The following PPP2R3A variants were observed in gnomAD, a reference collection of about 807,000 sequenced individuals.
The protein encoded by PPP2R3A is serine/threonine-protein phosphatase 2A regulatory subunit B'' subunit alpha.
Under a neutral mutation model 106.9 loss-of-function variants are expected in PPP2R3A, and 80 were observed. That is an observed-to-expected ratio of 0.75 (90% CI 0.62 to 0.90). The LOEUF is 0.90. Among genes scored for constraint, PPP2R3A ranks in the 40% least tolerant of loss-of-function variants. The probability of loss-of-function intolerance (pLI) is 0.00; values close to 1 mark genes in which losing one functional copy is unlikely to be tolerated. For missense variants in PPP2R3A, 1,386 were observed against 1,350.4 expected (o/e 1.03, Z -0.41); for synonymous variants, 483 against 468.3 (o/e 1.03, Z -0.41).
intron 1 of PPP2R3A, among the ~76,000 whole-genome samples, chr3:135,993,845 A>G (rs1338809717): frequency 6.6e-6 from 1 of 152,242 alleles, no homozygotes; most frequent in Non-Finnish European, 1.5e-5. Context: ...AGAGAAAAGT[A>G]CATATGTAAT....
chr3:136,041,822 T>C (rs1935298473), intron 4 of PPP2R3A, among the ~76,000 whole-genome samples: 1 of 152,206 alleles, frequency 6.6e-6, no homozygotes, highest in Admixed American at 6.5e-5. Context: ...TCTGACAAAT[T>C]TTCTTGAATT....
At chr3:136,046,682 G>A (rs1165611359) in intron 4 of PPP2R3A, among the ~76,000 whole-genome samples, 1 of 152,172 alleles carries the variant, frequency 6.6e-6, no homozygotes, top group Non-Finnish European at 1.5e-5. Flanking sequence ...CAAGAACTCT[G>A]ACAATTCTAA....
chr3:136,014,783 G>C (rs1559869674), intron 2 of PPP2R3A, among the ~76,000 whole-genome samples: 1 of 152,090 alleles, frequency 6.6e-6, no homozygotes. Context: ...GCGACAGTTT[G>C]ACTTCTTCTT....
intron 8 of PPP2R3A, among the ~76,000 whole-genome samples, chr3:136,086,160 T>C (rs966518331): frequency 2.0e-5 from 3 of 150,880 alleles, no homozygotes; most frequent in Non-Finnish European, 4.4e-5. Flanking sequence ...TTGTATATGA[T>C]GTCAGGTTTC....
At chr3:136,121,068 A>G (rs920842860) in intron 13 of PPP2R3A, among the ~76,000 whole-genome samples, 1 of 152,168 alleles carries the variant, frequency 6.6e-6, no homozygotes, top group Admixed American at 6.5e-5. Context: ...CAACCCAGCA[A>G]TCCCACTGCT....
chr3:136,099,917 T>TAA (rs553102059), intron 10 of PPP2R3A, among the ~76,000 whole-genome samples: 8 of 125,216 alleles, frequency 6.4e-5, no homozygotes, highest in Non-Finnish European at 3.4e-5. Flanking sequence ...TAACAGTTCT[T>TAA]AAAAAAAAAA....
chr3:135,982,251 G>A (rs958354716), intron 1 of PPP2R3A, among the ~76,000 whole-genome samples: 3 of 148,962 alleles, frequency 2.0e-5, no homozygotes, highest in Non-Finnish European at 4.4e-5. Context: ...AAAAAGTTCT[G>A]TTTCACAATA....
chr3:136,048,915 C>G (rs920138546), intron 4 of PPP2R3A, among the ~76,000 whole-genome samples: 2 of 152,050 alleles, frequency 1.3e-5, no homozygotes, highest in Non-Finnish European at 2.9e-5. Flanking sequence ...TAGCTTGAAC[C>G]ATTGGGTGCT....
chr3:136,061,880 T>A (rs9758578), intron 5 of PPP2R3A, among the ~76,000 whole-genome samples: 63,143 of 142,258 alleles, frequency 0.44, 15,146 homozygotes, highest in African/African-American at 0.67. Flanking sequence ...TGAGCCGAGA[T>A]CACGCCACTG....
intron 2 of PPP2R3A, chr3:136,023,104 C>T (rs765001615): frequency 1.4e-5 from 22 of 1,613,368 alleles, no homozygotes; most frequent in Non-Finnish European, 1.6e-5. Flanking sequence ...CGAAGGGACC[C>T]GGATTTAAGG....
At chr3:136,053,574 C>T (rs1290784691) in intron 5 of PPP2R3A, among the ~76,000 whole-genome samples, 2 of 152,180 alleles carry the variant, frequency 1.3e-5, no homozygotes, top group African/African-American at 4.8e-5. Flanking sequence ...TAGTTGACTC[C>T]TTTCCTGGTT....
intron 13 of PPP2R3A, among the ~76,000 whole-genome samples, chr3:136,128,918 A>G (rs1938292129): frequency 6.6e-6 from 1 of 152,218 alleles, no homozygotes; most frequent in African/African-American, 2.4e-5. Flanking sequence ...CTGAATGACT[A>G]CTGGGTACAT....
chr3:136,090,127 C>G (rs965651302), intron 9 of PPP2R3A, among the ~76,000 whole-genome samples: 2 of 152,068 alleles, frequency 1.3e-5, no homozygotes, highest in African/African-American at 4.8e-5. Context: ...GCTAAGACTT[C>G]CAGTACTATG....
At position 136,103,383 on chromosome 3, in the gene PPP2R3A, G is replaced by A. The variant is rs748530521; in HGVS notation, c.3222+7G>A. On this transcript the variant is annotated splice_region_variant and intron_variant, in intron 12 of 13. Transcript: ENST00000264977. ...TCCCTTTGCGGTCCAGAAGGTAACA[G>A]TATAATTTTAACTTTTATTTGAGGG... 3.8e-6 allele frequency: 6 copies of A among 1,559,196 alleles called. No individual in the cohort carries two copies. Among genetic ancestry groups the A allele is most frequent in the African/African-American group, 2.7e-5 (2 of 73,352 alleles).
At chr3:135,994,695 T>C (rs1372611269) in intron 1 of PPP2R3A, among the ~76,000 whole-genome samples, 1 of 152,158 alleles carries the variant, frequency 6.6e-6, no homozygotes, top group Non-Finnish European at 1.5e-5. Context: ...TCTTATTATT[T>C]GGAGGAGACT....
At chr3:136,008,100 A>G (rs1933909748) in intron 2 of PPP2R3A, among the ~76,000 whole-genome samples, 1 of 152,266 alleles carries the variant, frequency 6.6e-6, no homozygotes, top group Non-Finnish European at 1.5e-5. Context: ...CAGAATAATT[A>G]GGAAAATAAA....
At chr3:136,073,414 A>G (rs1354497931) in intron 6 of PPP2R3A, among the ~76,000 whole-genome samples, 1 of 152,262 alleles carries the variant, frequency 6.6e-6, no homozygotes, top group African/African-American at 2.4e-5. Flanking sequence ...ACAGTTAATT[A>G]TCTCTGCTGT....
chr3:136,062,448 G>A lies in PPP2R3A; in HGVS notation c.2470-8030G>A, dbSNP rs113430272. ...TTACATTTGAGAATAAGGGGGCTGG[G>A]CACAGTGGCTCACGCCTGTAATCCT... On this transcript the variant is annotated intron_variant, in intron 5 of 13. Coordinates refer to ENST00000264977, the MANE Select transcript of PPP2R3A (RefSeq NM_002718.5). Among the ~76,000 whole-genome samples the A allele has an allele frequency of 5.9e-5, 9 of 152,274 alleles. 1 individual carries two copies. The highest frequency in any genetic ancestry group is 1.9e-4 in the African/African-American group (8 of 41,546).
At chr3:136,108,218 C>T (rs1174561178) in intron 13 of PPP2R3A, among the ~76,000 whole-genome samples, 2 of 152,118 alleles carry the variant, frequency 1.3e-5, no homozygotes, top group East Asian at 3.8e-4. Context: ...CCCTGACACA[C>T]ACACACACAG....
Sources: gnomAD v4.1 joint callset for allele counts (sites outside exome capture counted in the v4.1 genomes callset) on GRCh38, gnomAD v4.1.1 for gene constraint, MANE v1.5 for transcripts, NCBI Gene and HGNC (gene_info 2026-07-23, HGNC 2026-07-21) for gene names.